Variants in FAM227B observed in about 807,000 individuals in gnomAD.
FAM227B encodes the protein protein FAM227B.
Under a neutral mutation model 73.8 loss-of-function variants are expected in FAM227B, and 88 were observed. The observed-to-expected ratio is 1.19, with a 90% CI of 1.00 to 1.42. The LOEUF is 1.42. FAM227B is among the 40% of genes most tolerant of loss of function. The probability of loss-of-function intolerance (pLI) is 0.00; values close to 1 mark genes in which losing one functional copy is unlikely to be tolerated. For synonymous variants in FAM227B, 210 were observed against 190.5 expected (o/e 1.10, Z -0.84); for missense variants, 632 against 590.9 (o/e 1.07, Z -0.72).
chr15:49,458,056 C>T (rs1177187486), intron 11 of FAM227B, among the ~76,000 whole-genome samples: 1 of 151,830 alleles, frequency 6.6e-6, no homozygotes, highest in Admixed American at 6.6e-5. Context: ...GATCAAATGA[C>T]ATAAAACATG....
At chr15:49,556,905 C>A (rs77802358) in intron 9 of FAM227B, among the ~76,000 whole-genome samples, 5 of 152,190 alleles carry the variant, frequency 3.3e-5, no homozygotes, top group Non-Finnish European at 5.9e-5. Flanking sequence ...CTAGCTCAAG[C>A]GTCCATAGGG....
At chr15:49,329,822 AAG>A in intron 15 of FAM227B, 1 of 741,750 alleles carries the variant, frequency 1.3e-6, no homozygotes, top group Non-Finnish European at 1.6e-6. Context: ...AAAAAAAAAA[AAG>A]GCACCTGTCA....
At chr15:49,583,001 A>T (rs2075909487) in intron 5 of FAM227B, among the ~76,000 whole-genome samples, 1 of 152,164 alleles carries the variant, frequency 6.6e-6, no homozygotes, top group Non-Finnish European at 1.5e-5. Flanking sequence ...AATTTATAGC[A>T]CTAAATGCCG....
At chr15:49,589,586 CACAG>C (rs1427926295) in intron 4 of FAM227B, among the ~76,000 whole-genome samples, 186 bp downstream of exon 4, 6 of 144,404 alleles carry the variant, frequency 4.2e-5, no homozygotes, top group Admixed American at 1.4e-4. Context: ...CACACACACA[CACAG>C]ACAACTGACC....
At chr15:49,421,305 G>T (rs991660388) in intron 11 of FAM227B, among the ~76,000 whole-genome samples, 4 of 152,224 alleles carry the variant, frequency 2.6e-5, no homozygotes, top group South Asian at 2.1e-4. Context: ...AATGAATTGT[G>T]GGCCCATCCT....
intron 3 of FAM227B, among the ~76,000 whole-genome samples, chr15:49,605,232 T>C (rs1038712048): frequency 4.6e-5 from 7 of 152,012 alleles, no homozygotes; most frequent in Non-Finnish European, 1.5e-5. Context: ...GGACTTCCTG[T>C]TGGAATTGTC....
chr15:49,402,579 C>A (rs1487178938), intron 11 of FAM227B, among the ~76,000 whole-genome samples: 1 of 152,130 alleles, frequency 6.6e-6, no homozygotes, highest in South Asian at 2.1e-4. Flanking sequence ...TGATTTGGTT[C>A]TCTATACCTA....
At chr15:49,386,653 A>G (rs1242966558) in intron 11 of FAM227B, among the ~76,000 whole-genome samples, 2 of 151,996 alleles carry the variant, frequency 1.3e-5, no homozygotes, top group East Asian at 3.9e-4. Context: ...CACAGATCAG[A>G]GCAGAACTAA....
intron 5 of FAM227B, among the ~76,000 whole-genome samples, chr15:49,586,741 A>G (rs569753048): frequency 1.8e-4 from 28 of 152,346 alleles, no homozygotes; most frequent in Non-Finnish European, 3.8e-4. Context: ...CACTTTTCAA[A>G]AGAAAACATA....
At chr15:49,354,673 G>A (rs533535441) in intron 13 of FAM227B, among the ~76,000 whole-genome samples, 2 of 152,352 alleles carry the variant, frequency 1.3e-5, no homozygotes, top group South Asian at 2.1e-4. Context: ...AGGGGCGCCC[G>A]CCATTGCCCA....
rs187841905 is a variant in FAM227B at position 49,365,201 on chromosome 15, T to C, written c.1271+2247A>G. Reference sequence around the variant, plus strand: ...ATAATACAGATGGTCCATCATCTGATAGCTGTTACCTTTCCAGAACTTTTT... The same window carrying C: ...ATAATACAGATGGTCCATCATCTGACAGCTGTTACCTTTCCAGAACTTTTT... On this transcript the variant is annotated intron_variant, in intron 13 of 15. Coordinates refer to ENST00000299338, the MANE Select transcript of FAM227B (RefSeq NM_152647.3). The C allele has an allele frequency of 2.5e-5, 21 of 839,894 alleles. No homozygotes were observed. In the Admixed American group the frequency reaches 2.7e-4, roughly 11 times the overall value. The allele number at this position is 839,894 out of a possible 1,614,324, so 52.0% of individuals were successfully genotyped here.
chr15:49,402,244 C>T (rs1219869763), intron 11 of FAM227B, among the ~76,000 whole-genome samples: 2 of 152,108 alleles, frequency 1.3e-5, no homozygotes, highest in Non-Finnish European at 2.9e-5. Flanking sequence ...GTATATGGCT[C>T]TTCTTTGTTT....
intron 9 of FAM227B, among the ~76,000 whole-genome samples, chr15:49,546,352 C>G (rs1172357743): frequency 6.6e-6 from 1 of 152,166 alleles, no homozygotes; most frequent in Non-Finnish European, 1.5e-5. Context: ...TTAATCCAGT[C>G]TATCGTTGTT....
At chr15:49,437,419 C>T (rs770925348) in intron 11 of FAM227B, among the ~76,000 whole-genome samples, 5 of 151,512 alleles carry the variant, frequency 3.3e-5, no homozygotes, top group Non-Finnish European at 5.9e-5. Flanking sequence ...TATTTTTAAT[C>T]CTTTTAGGAC....
chr15:49,358,724 T>G (rs536179095), intron 13 of FAM227B, among the ~76,000 whole-genome samples: 1 of 151,646 alleles, frequency 6.6e-6, no homozygotes, highest in Non-Finnish European at 1.5e-5. Flanking sequence ...CTTCACAGAA[T>G]TGGAAAAAAC....
At chr15:49,457,997 T>G (rs560162097) in intron 11 of FAM227B, among the ~76,000 whole-genome samples, 3 of 152,094 alleles carry the variant, frequency 2.0e-5, no homozygotes, top group Admixed American at 2.0e-4. Flanking sequence ...GATAATATTT[T>G]TTCCCCAAAA....
chr15:49,397,347 G>C (rs2047759712), intron 11 of FAM227B, among the ~76,000 whole-genome samples: 1 of 152,142 alleles, frequency 6.6e-6, no homozygotes, highest in Admixed American at 6.5e-5. Context: ...TGGGGGCTAT[G>C]TGAAAAGACC....
At chr15:49,436,108 G>C (rs1002496370) in intron 11 of FAM227B, among the ~76,000 whole-genome samples, 1 of 151,474 alleles carries the variant, frequency 6.6e-6, no homozygotes, top group African/African-American at 2.4e-5. Context: ...AAGTTTGCTG[G>C]TATATAAATT....
intron 9 of FAM227B, among the ~76,000 whole-genome samples, chr15:49,553,632 C>T (rs1346008426): frequency 1.3e-5 from 2 of 152,194 alleles, no homozygotes; most frequent in Non-Finnish European, 2.9e-5. Context: ...TCCTACTCTT[C>T]CCTCCCCTTT....
Sources: gnomAD v4.1 joint callset for allele counts (sites outside exome capture counted in the v4.1 genomes callset) on GRCh38, gnomAD v4.1.1 for gene constraint, MANE v1.5 for transcripts, NCBI Gene and HGNC (gene_info 2026-07-23, HGNC 2026-07-21) for gene names.